Variants in NREP observed in about 807,000 individuals in gnomAD.
NREP encodes the protein neuronal regeneration related protein, also known as neuronal regeneration-related protein.
A neutral mutation model predicts 8.6 loss-of-function variants in NREP; 5 were observed. The observed-to-expected ratio is 0.58, with a 90% CI of 0.30 to 1.22. The LOEUF (loss-of-function observed/expected upper bound fraction) is 1.22. NREP is among the 50% of genes most tolerant of loss of function. NREP has a pLI of 0.07. For synonymous variants in NREP, 27 were observed against 28.0 expected (o/e 0.96, Z 0.11); for missense variants, 86 against 82.5 (o/e 1.04, Z -0.17).
At chr5:111,848,349 G>A (rs956837696) in intron 2 of NREP, among the ~76,000 whole-genome samples, 5 of 152,136 alleles carry the variant, frequency 3.3e-5, no homozygotes, top group Non-Finnish European at 7.4e-5. Flanking sequence ...TAATGCTAAA[G>A]CTTTCAAATT....
chr5:111,776,453 C>A (rs1751359499), intron 2 of NREP, among the ~76,000 whole-genome samples: 1 of 152,124 alleles, frequency 6.6e-6, no homozygotes, highest in Non-Finnish European at 1.5e-5. Flanking sequence ...TATTGCATGA[C>A]CCCAGCTGCT....
chr5:111,739,549 A>T (rs568114817), intron 2 of NREP: 1 of 152,172 alleles, frequency 6.6e-6, no homozygotes, highest in African/African-American at 2.4e-5. Flanking sequence ...TGATCCATCT[A>T]TCTAGAGTCC....
upstream of NREP, chr5:111,757,910 G>A (rs1750838666): frequency 1.0e-6 from 1 of 985,296 alleles, no homozygotes; most frequent in Non-Finnish European, 1.2e-6. Flanking sequence ...AGGGCCGTGG[G>A]GAGAGGCGGC....
At chr5:111,973,352 A>C (rs1365997675) in intron 2 of NREP, among the ~76,000 whole-genome samples, 2 of 152,186 alleles carry the variant, frequency 1.3e-5, no homozygotes, top group East Asian at 3.8e-4. Flanking sequence ...TCCACACGCA[A>C]CACTTGCAGG....
chr5:111,756,231 T>G, intron 1 of NREP: 1 of 993,422 alleles, frequency 1.0e-6, no homozygotes, highest in Non-Finnish European at 1.2e-6. Context: ...CCTTCCACCG[T>G]GTAGTGTAAT....
intron 2 of NREP, among the ~76,000 whole-genome samples, chr5:111,863,725 T>C (rs376805531): frequency 4.3e-4 from 66 of 152,232 alleles, no homozygotes; most frequent in Admixed American, 9.2e-4. Context: ...TGATGAGAAG[T>C]TGAATAACAT....
At chr5:111,848,194 T>C (rs536188759) in intron 2 of NREP, among the ~76,000 whole-genome samples, 1 of 152,344 alleles carries the variant, frequency 6.6e-6, no homozygotes, top group East Asian at 1.9e-4. Flanking sequence ...TCAAACATTC[T>C]TGATTCTTAG....
At chr5:111,851,653 G>A (rs1246525420) in intron 2 of NREP, among the ~76,000 whole-genome samples, 2 of 152,080 alleles carry the variant, frequency 1.3e-5, no homozygotes, top group East Asian at 3.9e-4. Context: ...GGAAGTTGGA[G>A]ATGTTGATCA....
At chr5:111,787,766 G>C (rs940931970) in intron 2 of NREP, among the ~76,000 whole-genome samples, 1 of 152,076 alleles carries the variant, frequency 6.6e-6, no homozygotes, top group African/African-American at 2.4e-5. Flanking sequence ...TTATTGATCT[G>C]ATATTGGTAA....
intron 2 of NREP, among the ~76,000 whole-genome samples, chr5:111,750,395 C>T (rs139940090): frequency 2.4e-4 from 37 of 152,244 alleles, no homozygotes; most frequent in Non-Finnish European, 5.1e-4. Context: ...AATTTTGTGC[C>T]AACTCCAATC....
intron 2 of NREP, among the ~76,000 whole-genome samples, chr5:111,765,904 A>G (rs986454295): frequency 1.3e-5 from 2 of 152,052 alleles, no homozygotes; most frequent in African/African-American, 4.8e-5. Context: ...TGGCACCTAC[A>G]CTTCCTAAAT....
intron 2 of NREP, among the ~76,000 whole-genome samples, chr5:111,896,792 C>T (rs1754521172): frequency 6.6e-6 from 1 of 152,118 alleles, no homozygotes; most frequent in Non-Finnish European, 1.5e-5. Flanking sequence ...TTTACAAGAT[C>T]TCCTGAAAAT....
At chr5:111,823,379 C>G (rs1752552235) in intron 2 of NREP, among the ~76,000 whole-genome samples, 1 of 152,166 alleles carries the variant, frequency 6.6e-6, no homozygotes, top group African/African-American at 2.4e-5. Context: ...GCATGTATCT[C>G]TATCTTCCTA....
At chr5:111,963,524 T>A (rs891279899) in intron 2 of NREP, among the ~76,000 whole-genome samples, 2 of 152,234 alleles carry the variant, frequency 1.3e-5, no homozygotes, top group Non-Finnish European at 2.9e-5. Context: ...TAAATGAGAC[T>A]AAACTTCTCC....
At chr5:111,899,003 CA>C (rs1349247785) in intron 2 of NREP, among the ~76,000 whole-genome samples, 1 of 151,684 alleles carries the variant, frequency 6.6e-6, no homozygotes, top group Non-Finnish European at 1.5e-5. Flanking sequence ...AGCTATTATT[CA>C]AAAATGAAGG....
At chr5:111,829,095 C>G (rs1267316189) in intron 2 of NREP, among the ~76,000 whole-genome samples, 1 of 150,686 alleles carries the variant, frequency 6.6e-6, no homozygotes, top group African/African-American at 2.4e-5. Flanking sequence ...CATAGTGTAT[C>G]TGGAAAAAAA....
At chr5:111,783,832 G>A (rs894290353) in intron 2 of NREP, among the ~76,000 whole-genome samples, 1 of 151,998 alleles carries the variant, frequency 6.6e-6, no homozygotes, top group Non-Finnish European at 1.5e-5. Flanking sequence ...CCTAAACCTG[G>A]CGTGTTTAAA....
intron 2 of NREP, among the ~76,000 whole-genome samples, chr5:111,816,199 T>C (rs1321280813): frequency 6.6e-6 from 1 of 152,160 alleles, no homozygotes; most frequent in Non-Finnish European, 1.5e-5. Context: ...TAGAGACTTT[T>C]CTAACAAACA....
intron 2 of NREP, among the ~76,000 whole-genome samples, chr5:111,894,054 C>G (rs913567667): frequency 3.3e-5 from 5 of 151,758 alleles, no homozygotes; most frequent in East Asian, 1.9e-4. Context: ...CCCATCTGTA[C>G]TAAAAATATA....
Sources: allele counts gnomAD v4.1 joint callset (sites outside exome capture counted in the v4.1 genomes callset), GRCh38; gene constraint gnomAD v4.1.1; transcripts MANE v1.5; gene names NCBI Gene and HGNC (gene_info 2026-07-23, HGNC 2026-07-21).